The following TMEM200A variants were observed in gnomAD, a reference collection of about 807,000 sequenced individuals.
TMEM200A encodes transmembrane protein 200A, also known as two transmembrane C.
In TMEM200A, 12 loss-of-function variants were observed where a neutral mutation model predicts 24.3. That is an observed-to-expected ratio of 0.49 (90% CI 0.32 to 0.80). The LOEUF is 0.80. Among genes scored for constraint, TMEM200A ranks in the 30% least tolerant of loss-of-function variants. The pLI, the probability that TMEM200A is intolerant of heterozygous loss-of-function variation, is 0.04. For synonymous variants in TMEM200A, 224 were observed against 224.4 expected (o/e 1.00, Z 0.02); for missense variants, 545 against 614.4 (o/e 0.89, Z 1.19).
At chr6:130,416,563 C>T (rs6919251) in intron 2 of TMEM200A, among the ~76,000 whole-genome samples, 23,149 of 152,048 alleles carry the variant, frequency 0.15, 1,964 homozygotes, top group East Asian at 0.35. Flanking sequence ...TCAAGGTCTT[C>T]GTATTCTGTC....
chr6:130,395,406 A>C (rs1161990741), intron 2 of TMEM200A, among the ~76,000 whole-genome samples: 2 of 152,202 alleles, frequency 1.3e-5, no homozygotes, highest in Non-Finnish European at 2.9e-5. Flanking sequence ...CTGTTCTATT[A>C]AACTTTCTGA....
At chr6:130,380,120 TG>T (rs1186559353) in intron 1 of TMEM200A, among the ~76,000 whole-genome samples, 3 of 152,224 alleles carry the variant, frequency 2.0e-5, no homozygotes, top group Non-Finnish European at 4.4e-5. Context: ...AATTTTTGAG[TG>T]AAATGGGATT....
chr6:130,410,620 C>G (rs1288234868), intron 2 of TMEM200A, among the ~76,000 whole-genome samples: 1 of 152,124 alleles, frequency 6.6e-6, no homozygotes, highest in African/African-American at 2.4e-5. Flanking sequence ...AGTCATTGCT[C>G]CTGTTGAGTG....
chr6:130,437,231 C>T (rs955626657), intron 2 of TMEM200A: 2 of 152,384 alleles, frequency 1.3e-5, no homozygotes, highest in African/African-American at 4.8e-5. Flanking sequence ...GGCCAAGTTC[C>T]TATTCCTGGA....
In TMEM200A at chr6:130,441,702, G is replaced by A. The variant is rs1275775845; in HGVS notation, c.1280G>A (p.Ser427Asn). The A allele has an allele frequency of 3.1e-6, 5 of 1,613,950 alleles. No individual in the cohort carries two copies. Among genetic ancestry groups the A allele is most frequent in the African/African-American group, 1.3e-5 (1 of 74,920 alleles). The change falls in exon 3 of 3, where the codon AGC (serine) becomes AAC (asparagine). Residue 427 changes from serine to asparagine, a missense_variant. Coordinates refer to ENST00000296978, the MANE Select transcript of TMEM200A (RefSeq NM_001258277.2). ...TGGCCTAGGTTGGATCGGAACAACA[G>A]CAAGGGATATATGAAACTAGAGAAC... The part of the protein sequence containing the change: ...PSWPRLDRNN[S>N]KGYMKLENKE...
intron 2 of TMEM200A, among the ~76,000 whole-genome samples, chr6:130,404,109 A>G (rs1225445385): frequency 2.0e-5 from 3 of 152,128 alleles, no homozygotes; most frequent in East Asian, 1.9e-4. Flanking sequence ...TGTCTCTGCT[A>G]TTGTGAATAC....
At chr6:130,400,632 C>T (rs755245690) in intron 2 of TMEM200A, among the ~76,000 whole-genome samples, 1 of 151,672 alleles carries the variant, frequency 6.6e-6, no homozygotes, top group Non-Finnish European at 1.5e-5. Flanking sequence ...TGAGGGGTTT[C>T]ATTAGTCCAA....
At chr6:130,414,557 A>G (rs980564611) in intron 2 of TMEM200A, among the ~76,000 whole-genome samples, 8 of 152,202 alleles carry the variant, frequency 5.3e-5, no homozygotes, top group South Asian at 2.1e-4. Flanking sequence ...TTTAATTTTC[A>G]AATGACTCAT....
At chr6:130,435,977 A>G (rs1182574842) in intron 2 of TMEM200A, among the ~76,000 whole-genome samples, 1 of 152,212 alleles carries the variant, frequency 6.6e-6, no homozygotes, top group East Asian at 1.9e-4. Context: ...TTTCACAGGT[A>G]ATCATTGAGA....
At chr6:130,380,980 C>G (rs1013027270) in intron 1 of TMEM200A, among the ~76,000 whole-genome samples, 3 of 152,110 alleles carry the variant, frequency 2.0e-5, no homozygotes, top group African/African-American at 7.2e-5. Context: ...GAGTGAGACC[C>G]TGTCTCTAAA....
intron 1 of TMEM200A, chr6:130,382,082 C>A: frequency 2.0e-6 from 1 of 511,514 alleles, no homozygotes; most frequent in Non-Finnish European, 2.5e-6. Flanking sequence ...ATCCCATTGC[C>A]AAGGATAATT....
At chr6:130,397,137 A>G (rs1283708365) in intron 2 of TMEM200A, among the ~76,000 whole-genome samples, 1 of 151,922 alleles carries the variant, frequency 6.6e-6, no homozygotes, top group Non-Finnish European at 1.5e-5. Context: ...TGGTTATATC[A>G]TCCATCCCTT....
At position 130,440,840 on chromosome 6, in the gene TMEM200A, T is replaced by C. The variant is rs1264868900; in HGVS notation, c.418T>C (p.Phe140Leu). ...PFTMGIGIFI[F>L]ICANAILHEN... is the part of the protein sequence containing the mutation. ...CACCATGGGGATTGGCATTTTCATT[T>C]TCATTTGTGCTAATGCCATTCTTCA... The change falls in exon 3 of 3, where the codon TTC (phenylalanine) becomes CTC (leucine). Residue 140 changes from phenylalanine (F) to leucine (L), a missense_variant. Phe to Leu is a conservative substitution (Grantham distance 22, BLOSUM62 0). Coordinates refer to ENST00000296978, the MANE Select transcript of TMEM200A (RefSeq NM_001258277.2). The C allele has an allele frequency of 6.2e-7, 1 of 1,613,992 alleles. No homozygotes were observed. The highest frequency in any genetic ancestry group is 1.3e-5 in the African/African-American group (1 of 75,036).
At chr6:130,385,875 A>T (rs965167679) in intron 2 of TMEM200A, among the ~76,000 whole-genome samples, 30 of 152,182 alleles carry the variant, frequency 2.0e-4, no homozygotes, top group African/African-American at 7.0e-4. Context: ...AGGTGCCTTG[A>T]AATGCAAAAT....
At chr6:130,422,755 T>C (rs554267183) in intron 2 of TMEM200A, among the ~76,000 whole-genome samples, 1 of 152,210 alleles carries the variant, frequency 6.6e-6, no homozygotes, top group Admixed American at 6.6e-5. Context: ...CCACTCAGCA[T>C]TTAATGCAAG....
intron 2 of TMEM200A, among the ~76,000 whole-genome samples, chr6:130,428,102 T>C (rs775795127): frequency 5.9e-5 from 9 of 152,200 alleles, no homozygotes; most frequent in Non-Finnish European, 1.2e-4. Context: ...CTGCTAGGCA[T>C]TCTTTCTGAT....
At chr6:130,424,650 C>T (rs1178660020) in intron 2 of TMEM200A, among the ~76,000 whole-genome samples, 2 of 152,098 alleles carry the variant, frequency 1.3e-5, no homozygotes, top group African/African-American at 4.8e-5. Context: ...GTCCTGAGAT[C>T]ACCTTTTAAG....
chr6:130,442,499 T>C lies in TMEM200A; in HGVS notation c.*601T>C, dbSNP rs1780222291. 6.0e-6 allele frequency: 1 copy of C among 166,462 alleles called. No individual in the cohort carries two copies. Among genetic ancestry groups the C allele is most frequent in the Non-Finnish European group, 1.5e-5 (1 of 68,116 alleles). 10.3% of individuals were successfully genotyped at this position (166,462 alleles called of 1,614,324 possible). On this transcript the variant is annotated 3_prime_UTR_variant, in exon 3 of 3. Coordinates refer to ENST00000296978, the MANE Select transcript of TMEM200A (RefSeq NM_001258277.2). The stretch of plus-strand genomic sequence containing the variant: ...AATATCACTTCTGTTTTTAGTGATA[T>C]TATATCAAGAAACAACGTATTCAAG...
At chr6:130,420,003 A>C (rs1202110113) in intron 2 of TMEM200A, among the ~76,000 whole-genome samples, 1 of 152,064 alleles carries the variant, frequency 6.6e-6, no homozygotes, top group Non-Finnish European at 1.5e-5. Context: ...GGCTATATGA[A>C]GCTTCTTTTA....
Sources: allele counts gnomAD v4.1 joint callset (sites outside exome capture counted in the v4.1 genomes callset), GRCh38; gene constraint gnomAD v4.1.1; transcripts MANE v1.5; gene names NCBI Gene and HGNC (gene_info 2026-07-23, HGNC 2026-07-21).